GRAMD1C: variants seen among roughly 807,000 people sequenced by gnomAD.
GRAMD1C encodes the protein protein Aster-C.
A neutral mutation model predicts 97.8 loss-of-function variants in GRAMD1C; 89 were observed. The ratio of observed to expected loss-of-function variants is 0.91; its 90% CI spans 0.77 to 1.09. GRAMD1C has a LOEUF of 1.09. Ranked by LOEUF, GRAMD1C falls within the 50% of genes least tolerant of loss-of-function variation. GRAMD1C has a pLI of 0.00. For missense variants in GRAMD1C, 740 were observed against 766.4 expected (o/e 0.97, Z 0.41); for synonymous variants, 256 against 267.0 (o/e 0.96, Z 0.40).
intron 6 of GRAMD1C, among the ~76,000 whole-genome samples, chr3:113,887,096 G>GTTT (rs59820635): frequency 1.1e-5 from 1 of 94,060 alleles, no homozygotes; most frequent in African/African-American, 3.9e-5. Flanking sequence ...TTTTTTTTTT[G>GTTT]TTTTTTTTTT....
At chr3:113,865,971 A>G (rs1203001289) in intron 2 of GRAMD1C, among the ~76,000 whole-genome samples, 1 of 152,094 alleles carries the variant, frequency 6.6e-6, no homozygotes, top group Non-Finnish European at 1.5e-5. Context: ...AATCCTTTCA[A>G]ATTTACTGAA....
At chr3:113,909,300 A>G (rs552075223) in intron 9 of GRAMD1C, among the ~76,000 whole-genome samples, 180 bp downstream of exon 9, 10 of 152,248 alleles carry the variant, frequency 6.6e-5, no homozygotes, top group Non-Finnish European at 1.3e-4. Context: ...AATCTAACGT[A>G]TCCCACTGTC....
intron 2 of GRAMD1C, among the ~76,000 whole-genome samples, chr3:113,863,176 C>G (rs1934460838): frequency 6.6e-6 from 1 of 152,068 alleles, no homozygotes; most frequent in South Asian, 2.1e-4. Flanking sequence ...AAAGTTGAAA[C>G]AACTTGAACA....
At chr3:113,849,272 TTTA>T (rs1933748112) in intron 2 of GRAMD1C, among the ~76,000 whole-genome samples, 2 of 120,046 alleles carry the variant, frequency 1.7e-5, no homozygotes, top group Non-Finnish European at 3.6e-5. Context: ...TAATATTTTA[TTTA>T]TTTATTTATT....
chr3:113,874,783 C>T (rs1196637794), intron 3 of GRAMD1C, among the ~76,000 whole-genome samples: 1 of 152,206 alleles, frequency 6.6e-6, no homozygotes, highest in Non-Finnish European at 1.5e-5. Flanking sequence ...ATGTCTTAAT[C>T]TAACTACTCT....
intron 13 of GRAMD1C, among the ~76,000 whole-genome samples, chr3:113,935,453 C>G (rs1937559260): frequency 6.6e-6 from 1 of 151,536 alleles, no homozygotes; most frequent in African/African-American, 2.4e-5. Context: ...TACGGTGGTT[C>G]TCTTTGGATA....
chr3:113,944,162 G>A (rs1937951520), intron 17 of GRAMD1C, among the ~76,000 whole-genome samples: 1 of 152,160 alleles, frequency 6.6e-6, no homozygotes, highest in Non-Finnish European at 1.5e-5. Context: ...ATTGCTCACA[G>A]TTCTGAGGCT....
At chr3:113,872,278 A>G (rs1934844065) in intron 3 of GRAMD1C, among the ~76,000 whole-genome samples, 1 of 152,158 alleles carries the variant, frequency 6.6e-6, no homozygotes, top group East Asian at 1.9e-4. Flanking sequence ...AGGATTATAT[A>G]TATAGAAAAA....
At chr3:113,931,401 C>T (rs1427996372) in intron 11 of GRAMD1C, among the ~76,000 whole-genome samples, 2 of 151,420 alleles carry the variant, frequency 1.3e-5, no homozygotes, top group Non-Finnish European at 2.9e-5. Flanking sequence ...CACTGTTGCC[C>T]AGGCTGGAGT....
rs895337562 is a variant in GRAMD1C, at chr3:113,856,839, G to C, written c.174+12190G>C. 3.6e-5 allele frequency among the ~76,000 whole-genome samples: 5 copies of C among 140,022 alleles called. No homozygotes were observed. In the East Asian group the frequency reaches 8.2e-4, roughly 23 times the overall value. The allele number at this position is 140,022 out of a possible 152,430, so 91.9% of individuals were successfully genotyped here. ...CAGGCATGAGCCACTGCGCCCAGCT[G>C]CCTATTTTTTTTTTTTTTTTTAAAA... On this transcript the variant is annotated intron_variant, in intron 2 of 17. Transcript: ENST00000358160.
chr3:113,885,970 G>C, intron 6 of GRAMD1C: 1 of 1,597,982 alleles, frequency 6.3e-7, no homozygotes, highest in Non-Finnish European at 8.5e-7. Flanking sequence ...GATGCCCTCA[G>C]GTTCACCGCT....
At chr3:113,885,666 T>C (rs1935448044) in intron 6 of GRAMD1C, 19 of 1,514,720 alleles carry the variant, frequency 1.3e-5, no homozygotes, top group Non-Finnish European at 1.6e-5. Flanking sequence ...GGTGAGCCAG[T>C]GGTACGAGCT....
chr3:113,842,679 T>C (rs1173929114), intron 1 of GRAMD1C, among the ~76,000 whole-genome samples: 2 of 152,120 alleles, frequency 1.3e-5, no homozygotes, highest in African/African-American at 4.8e-5. Flanking sequence ...AACCTCAAGT[T>C]TGGCCAGGTG....
At chr3:113,923,859 A>G (rs1308253285) in intron 10 of GRAMD1C, among the ~76,000 whole-genome samples, 3 of 151,358 alleles carry the variant, frequency 2.0e-5, no homozygotes, top group Admixed American at 6.6e-5. Context: ...AGTGGTACCA[A>G]CTCTTCTTTA....
chr3:113,942,388 T>C (rs1937846042), intron 17 of GRAMD1C, among the ~76,000 whole-genome samples: 1 of 152,210 alleles, frequency 6.6e-6, no homozygotes, highest in African/African-American at 2.4e-5. Context: ...TGGTAGCCCT[T>C]GCTTATCTTC....
At chr3:113,850,384 G>A in intron 2 of GRAMD1C, 1 of 832,536 alleles carries the variant, frequency 1.2e-6, no homozygotes, top group Non-Finnish European at 2.1e-6. Flanking sequence ...CCCCTTTTGT[G>A]AGTCTTGCAG....
intron 10 of GRAMD1C, among the ~76,000 whole-genome samples, chr3:113,926,907 G>C (rs1450843565): frequency 6.6e-6 from 1 of 152,120 alleles, no homozygotes; most frequent in Non-Finnish European, 1.5e-5. Context: ...GGGTGGAGGT[G>C]TTCCTGGTCC....
At position 113,869,610 on chromosome 3, in the gene GRAMD1C, A is replaced by G. The variant is rs766941187; in HGVS notation, c.259+19A>G. On this transcript the variant is annotated intron_variant, in intron 3 of 17. Transcript: ENST00000358160. ...ATAGCAGGTAAAATAGAAATTTTCA[A>G]AAAAAAGTTTTATTACCTCATTATA... The G allele has an allele frequency of 4.1e-6, 5 of 1,212,112 alleles. No homozygotes were observed. In the Admixed American group the frequency reaches 9.2e-5, roughly 22 times the overall value. The allele number at this position is 1,212,112 out of a possible 1,614,324, so 75.1% of individuals were successfully genotyped here. A position where few individuals can be genotyped will look rare whatever the true frequency, so the allele number is the denominator to read the frequency against.
intron 10 of GRAMD1C, chr3:113,919,186 G>C: frequency 3.0e-6 from 1 of 333,488 alleles, no homozygotes; most frequent in Non-Finnish European, 5.8e-6. Flanking sequence ...GAGTGAAAAG[G>C]AGTAAAGTAG....
Sources: gnomAD v4.1 joint callset for allele counts (sites outside exome capture counted in the v4.1 genomes callset) on GRCh38, gnomAD v4.1.1 for gene constraint, MANE v1.5 for transcripts, NCBI Gene and HGNC (gene_info 2026-07-23, HGNC 2026-07-21) for gene names.